The following UPB1 variants were observed in gnomAD, a reference collection of about 807,000 sequenced individuals.
UPB1 encodes the protein beta-ureidopropionase.
In UPB1, 40 loss-of-function variants were observed where a neutral mutation model predicts 49.1. The ratio of observed to expected loss-of-function variants is 0.81; its 90% CI spans 0.63 to 1.06. The LOEUF (loss-of-function observed/expected upper bound fraction) is 1.06. Among genes scored for constraint, UPB1 ranks in the 50% least tolerant of loss-of-function variants. The probability of loss-of-function intolerance (pLI) is 0.00; values close to 1 mark genes in which losing one functional copy is unlikely to be tolerated. For synonymous variants in UPB1, 207 were observed against 198.2 expected, an observed-to-expected ratio of 1.04 and a Z score of -0.38; for missense variants, 499 against 505.9, an observed-to-expected ratio of 0.99 and a Z score of 0.13.
At chr22:24,506,836 G>C (rs749043184) in intron 3 of UPB1, among the ~76,000 whole-genome samples, 4 of 152,112 alleles carry the variant, frequency 2.6e-5, no homozygotes, top group Non-Finnish European at 5.9e-5. Flanking sequence ...CCCTTTCTTG[G>C]ATCTGGAACT....
chr22:24,511,008 C>T (rs1488568766), intron 4 of UPB1, among the ~76,000 whole-genome samples, 165 bp downstream of exon 4: 7 of 151,532 alleles, frequency 4.6e-5, no homozygotes, highest in African/African-American at 7.3e-5. Flanking sequence ...TTTTTTTTAG[C>T]GTACTCTTAG....
At chr22:24,520,569 G>C in intron 7 of UPB1, 101 bp downstream of exon 7, 1 of 1,354,264 alleles carries the variant, frequency 7.4e-7, no homozygotes, top group Non-Finnish European at 1.0e-6. Flanking sequence ...CTAGGGTCCG[G>C]AAAGGGGTAA....
chr22:24,509,662 G>T (rs1233100800), intron 3 of UPB1, among the ~76,000 whole-genome samples: 1 of 152,152 alleles, frequency 6.6e-6, no homozygotes, highest in African/African-American at 2.4e-5. Context: ...CTGCCACCCT[G>T]CAGATTGGCC....
chr22:24,513,232 G>A (rs2044237120), intron 4 of UPB1, 92 bp from the exon 5 acceptor site: 1 of 1,589,062 alleles, frequency 6.3e-7, no homozygotes, highest in African/African-American at 1.3e-5. Context: ...TCTGACCCAA[G>A]CCTATTGATT....
Position 24,496,372 on chromosome 22 carries a change from A to AACACACACACAC in UPB1, c.104+885_104+896dup, listed in dbSNP as rs60159909. On this transcript the variant is annotated intron_variant, in intron 1 of 9. Transcript: ENST00000326010. ...GGAGTCAGAGTGAGGCCCTGTCTCA[A>AACACACACACAC]ACACACACACACACACACACACACA... 6.8e-3 allele frequency among the ~76,000 whole-genome samples: 967 copies of AACACACACACAC among 141,554 alleles called. 18 individuals are homozygous for AACACACACACAC. The highest frequency in any genetic ancestry group is 0.024 in the African/African-American group (875 of 37,094). The allele number at this position is 141,554 out of a possible 152,430, so 92.9% of individuals were successfully genotyped here.
intron 3 of UPB1, among the ~76,000 whole-genome samples, chr22:24,508,327 G>C (rs2044129600): frequency 6.6e-6 from 1 of 152,238 alleles, no homozygotes; most frequent in Admixed American, 6.5e-5. Flanking sequence ...CTGAGCCTGA[G>C]GTGGGCGAAT....
Position 24,510,776 on chromosome 22 carries a change from A to AT in UPB1, c.392_393insT (p.Glu131AspfsTer10). The stretch of plus-strand genomic sequence containing the variant: ...ATGCCCTTTGCCTTCTGTACGAGAG[A>AT]GAAGCTTCCTTGGACAGAATTTGCT... On this transcript the variant is annotated frameshift_variant, in exon 4 of 10. Coordinates refer to ENST00000326010, the MANE Select transcript of UPB1 (RefSeq NM_016327.3). LOFTEE classifies it high-confidence loss of function. 6.2e-7 allele frequency: 1 copy of AT among 1,614,156 alleles called. No homozygotes were observed. The highest frequency in any genetic ancestry group is 8.5e-7 in the Non-Finnish European group (1 of 1,180,004).
intron 9 of UPB1, among the ~76,000 whole-genome samples, chr22:24,524,269 C>T (rs2044445987): frequency 6.6e-6 from 1 of 152,106 alleles, no homozygotes; most frequent in African/African-American, 2.4e-5. Flanking sequence ...CCCTTGTGCT[C>T]CCAAGCCTTA....
At chr22:24,502,060 G>A (rs1568980837) in intron 2 of UPB1, 66 bp from the exon 3 acceptor site, 3 of 1,538,758 alleles carry the variant, frequency 1.9e-6, no homozygotes, top group East Asian at 4.5e-5. Flanking sequence ...TATGCATTAG[G>A]ATGAGATCCT....
rs2043846655 is a variant in UPB1, at chr22:24,495,373, G to T, written c.-31G>T. The T allele has an allele frequency of 1.2e-6, 2 of 1,609,978 alleles. No individual in the cohort carries two copies. Among genetic ancestry groups the T allele is most frequent in the South Asian group, 2.2e-5 (2 of 91,054 alleles). On this transcript the variant is annotated 5_prime_UTR_variant, in exon 1 of 10. Transcript: ENST00000326010. ...TGCGGGCAAAGGGCAGGCAGTTCGT[G>T]CGCGGACACAAGCACTGGCGGACCG...
intron 3 of UPB1, among the ~76,000 whole-genome samples, chr22:24,504,230 G>A (rs1348928432): frequency 6.6e-6 from 1 of 152,216 alleles, no homozygotes; most frequent in Non-Finnish European, 1.5e-5. Flanking sequence ...AGAACAAGTA[G>A]TTCCCTGAGG....
In UPB1 at chr22:24,515,236, C is replaced by G; in HGVS notation, c.657C>G (p.Pro219=). The G allele has an allele frequency of 6.2e-7, 1 of 1,614,180 alleles. No homozygotes were observed. Among genetic ancestry groups the G allele is most frequent in the Non-Finnish European group, 8.5e-7 (1 of 1,180,038 alleles). Residue 219 remains proline, a synonymous_variant, in exon 6 of 10, where the codon CCC becomes CCG. Transcript: ENST00000326010. ...ACATGGAGGGAAACCTGGGCCACCCCGTGTTCCAGACGCAGTTCGGAAGGA... is the reference window on the plus strand; with the variant it reads ...ACATGGAGGGAAACCTGGGCCACCCGGTGTTCCAGACGCAGTTCGGAAGGA... ...TYYMEGNLGH[P]VFQTQFGRIA...
At chr22:24,507,354 C>T (rs928915897) in intron 3 of UPB1, among the ~76,000 whole-genome samples, 3 of 152,072 alleles carry the variant, frequency 2.0e-5, no homozygotes, top group Non-Finnish European at 2.9e-5. Context: ...CAGTGCCTGC[C>T]GCCTGCTTGG....
rs754923905 is a variant in UPB1, at chr22:24,515,286, G to A, written c.707G>A (p.Arg236Gln). Reference protein sequence around the residue: ...GRIAVNICYGRHHPLNWLMYS... With the variant: ...GRIAVNICYGQHHPLNWLMYS... ...ATCGCGGTGAACATTTGCTACGGGC[G>A]GCACCACCCCCTCAACTGGCTTATG... Residue 236 changes from arginine to glutamine, a missense_variant, in exon 6 of 10, where the codon CGG becomes CAG. Coordinates refer to ENST00000326010, the MANE Select transcript of UPB1 (RefSeq NM_016327.3). 25 of 1,614,004 alleles carry A rather than the reference G, an allele frequency of 1.5e-5. No homozygotes were observed. In the Admixed American group the frequency reaches 3.0e-4, roughly 19 times the overall value.
In UPB1 at chr22:24,511,617, TA is replaced by T. The variant is rs200469224; in HGVS notation, c.459+775del. Among the ~76,000 whole-genome samples the T allele has an allele frequency of 3.4e-3, 301 of 88,970 alleles. 2 individuals are homozygous for T. Among genetic ancestry groups the T allele is most frequent in the South Asian group, 7.1e-3 (22 of 3,116 alleles). 58.4% of individuals were successfully genotyped at this position (88,970 alleles called of 152,430 possible). A position where few individuals can be genotyped will look rare whatever the true frequency, so the allele number is the denominator to read the frequency against. On this transcript the variant is annotated intron_variant, in intron 4 of 9. Coordinates refer to ENST00000326010, the MANE Select transcript of UPB1 (RefSeq NM_016327.3). ...TGTGAATTATATATATATATATATA[TA>T]TTTTTTTTTTTTTGAGATGGAGTCT...
chr22:24,508,962 A>G (rs1227827069), intron 3 of UPB1, among the ~76,000 whole-genome samples: 3 of 152,250 alleles, frequency 2.0e-5, no homozygotes, highest in Non-Finnish European at 4.4e-5. Context: ...ATTAGTCCAG[A>G]CAAGGATTGA....
intron 5 of UPB1, 113 bp downstream of exon 5, chr22:24,513,598 A>T: frequency 1.4e-6 from 2 of 1,423,614 alleles, no homozygotes; most frequent in Non-Finnish European, 1.9e-6. Context: ...ACTCCATGTC[A>T]CGTACACTCC....
chr22:24,514,824 A>G (rs1273063902), intron 5 of UPB1, among the ~76,000 whole-genome samples: 2 of 152,190 alleles, frequency 1.3e-5, no homozygotes, highest in African/African-American at 4.8e-5. Context: ...ACCGTTCTAT[A>G]TAATGACATG....
At chr22:24,512,211 G>A (rs1308342249) in intron 4 of UPB1, among the ~76,000 whole-genome samples, 1 of 152,186 alleles carries the variant, frequency 6.6e-6, no homozygotes, top group Non-Finnish European at 1.5e-5. Context: ...CTGGTTAGGG[G>A]ACTTTTGCAG....
Sources: allele counts gnomAD v4.1 joint callset (sites outside exome capture counted in the v4.1 genomes callset), GRCh38; gene constraint gnomAD v4.1.1; transcripts MANE v1.5; gene names NCBI Gene and HGNC (gene_info 2026-07-23, HGNC 2026-07-21).